Variants in KDM2B observed in about 807,000 individuals in gnomAD.
KDM2B encodes lysine demethylase 2B.
KDM2B carries 26 observed loss-of-function variants against 150.0 expected under a neutral mutation model. That is an observed-to-expected ratio of 0.17 (90% CI 0.13 to 0.24). The LOEUF (loss-of-function observed/expected upper bound fraction) is 0.24, where lower values mean the gene tolerates loss of function less well. KDM2B is among the 10% of genes least tolerant of loss of function. The pLI is 1.00. For synonymous variants in KDM2B, 734 were observed against 729.5 expected, an observed-to-expected ratio of 1.01 and a Z score of -0.10; for missense variants, 1,265 against 1,816.9, an observed-to-expected ratio of 0.70 and a Z score of 5.52.
In KDM2B at chr12:121,509,931, T is replaced by G. The variant is rs782315499; in HGVS notation, c.1283A>C (p.Glu428Ala). The change falls in exon 11 of 23, where the codon GAG becomes GCG. Residue 428 changes from glutamate to alanine, a missense_variant. Physicochemically the swap from Glu to Ala is moderately radical, Grantham distance 107. Transcript: ENST00000377071. ...QPQEEEEKDE[E>A]GEGRDRAPKP... ...GGGTGCCCTGTCCCTGCCCTCGCCCTCCTCGTCCTTCTCCTCCTCCTCCTG... is the reference window on the plus strand; with the variant it reads ...GGGTGCCCTGTCCCTGCCCTCGCCCGCCTCGTCCTTCTCCTCCTCCTCCTG... 7 of 1,612,704 alleles carry G rather than the reference T, an allele frequency of 4.3e-6. No homozygotes were observed. Among genetic ancestry groups the G allele is most frequent in the Non-Finnish European group, 5.9e-6 (7 of 1,179,616 alleles).
In KDM2B at chr12:121,442,850, C is replaced by T. The variant is rs375701014; in HGVS notation, c.2605-14G>A. On this transcript the variant is annotated splice_polypyrimidine_tract_variant and intron_variant, in intron 18 of 22. Transcript: ENST00000377071. The surrounding 1 kb of genome is among the most constrained non-coding windows in gnomAD (Gnocchi z 7.7). ...CCAGGACCGCCGCTGAGGGCGAGAG[C>T]GGAGACGCGTCAGCCTCTGGGGCTC... The T allele has an allele frequency of 9.0e-5, 136 of 1,516,342 alleles. 3 individuals are homozygous for T. The African/African-American group carries it at 1.2e-3, about 14-fold the overall frequency. The allele number at this position is 1,516,342 out of a possible 1,614,324, so 93.9% of individuals were successfully genotyped here.
intron 6 of KDM2B, among the ~76,000 whole-genome samples, chr12:121,547,923 G>C (rs1352176084): frequency 1.3e-5 from 2 of 152,026 alleles, no homozygotes; most frequent in Non-Finnish European, 2.9e-5. Context: ...TTACAGGTGT[G>C]AGCCACCCCG....
Position 121,509,755 on chromosome 12 carries a change from C to A in KDM2B, c.1459G>T (p.Ala487Ser). Reference protein sequence around the residue: ...SEESVKSTTLAVDYPKTPTGS... With the variant: ...SEESVKSTTLSVDYPKTPTGS... The stretch of plus-strand genomic sequence containing the variant: ...GTGGGGGTCTTGGGGTAGTCTACGG[C>A]CAATGTGGTGGACTTCACACTTTCC... The change falls in exon 11 of 23, where the codon GCC (alanine) becomes TCC (serine). Residue 487 changes from alanine to serine, a missense_variant. By Grantham distance (99) the Ala-to-Ser change is moderately conservative. Coordinates refer to ENST00000377071, the MANE Select transcript of KDM2B (RefSeq NM_032590.5). 6.2e-7 allele frequency: 1 copy of A among 1,614,142 alleles called. No homozygotes were observed. Among genetic ancestry groups the A allele is most frequent in the Non-Finnish European group, 8.5e-7 (1 of 1,180,036 alleles).
intron 4 of KDM2B, among the ~76,000 whole-genome samples, chr12:121,559,534 G>A (rs996822150): frequency 7.9e-5 from 12 of 152,126 alleles, no homozygotes; most frequent in African/African-American, 1.9e-4. Context: ...AGAGTGGCAC[G>A]GTGATAGCAA....
intron 12 of KDM2B, among the ~76,000 whole-genome samples, chr12:121,464,922 T>C (rs10849890): frequency 0.56 from 84,595 of 151,912 alleles, 23,827 homozygotes; most frequent in East Asian, 0.66. Context: ...CTTCTCAGGC[T>C]CAGGCTGAGA....
At chr12:121,581,065 A>G, upstream of KDM2B, 3 of 980,978 alleles carry the variant, frequency 3.1e-6, no homozygotes, top group Non-Finnish European at 2.9e-6. Context: ...TCCGCAGCTG[A>G]CCGGAAGACG....
chr12:121,439,380 CT>C (rs530764831), intron 22 of KDM2B, among the ~76,000 whole-genome samples: 42,738 of 129,490 alleles, frequency 0.33, 7,517 homozygotes, highest in Non-Finnish European at 0.43. Context: ...CCAATGGTAA[CT>C]TTTTTTTTTT....
chr12:121,422,697 G>C, the KDM2B span, among the ~76,000 whole-genome samples: 1 of 152,162 alleles, frequency 6.6e-6, no homozygotes, highest in African/African-American at 2.4e-5. Flanking sequence ...CAAATCCATA[G>C]CCCTATGGCC....
At chr12:121,527,653 CAAAAAAAAAAAAA>C (rs58304715) in intron 8 of KDM2B, among the ~76,000 whole-genome samples, 17 of 58,574 alleles carry the variant, frequency 2.9e-4, no homozygotes, top group African/African-American at 9.2e-4. Context: ...GACTCCGTCT[CAAAAAAAAAAAAA>C]AAAAAAAAAA....
chr12:121,412,228 ATCTT>A, the KDM2B span, among the ~76,000 whole-genome samples: 30 of 124,974 alleles, frequency 2.4e-4, 1 homozygote, highest in African/African-American at 9.4e-4. Flanking sequence ...TGCCCAACTA[ATCTT>A]TTTTTTTTTT....
chr12:121,427,603 CTGGAT>C (rs1231684733), downstream of KDM2B, among the ~76,000 whole-genome samples: 1 of 152,192 alleles, frequency 6.6e-6, no homozygotes, highest in African/African-American at 2.4e-5. Flanking sequence ...TACAATCTTA[CTGGAT>C]TGTTCAGTAC....
intron 4 of KDM2B, among the ~76,000 whole-genome samples, chr12:121,564,229 G>A (rs186656110): frequency 1.1e-4 from 17 of 152,238 alleles, no homozygotes; most frequent in African/African-American, 2.6e-4. Flanking sequence ...AAGCTGAAGC[G>A]GGTGGATCAC....
chr12:121,554,407 C>CT (rs113252090), intron 4 of KDM2B, among the ~76,000 whole-genome samples: 142 of 145,474 alleles, frequency 9.8e-4, no homozygotes, highest in South Asian at 2.8e-3. Context: ...TTGTAACATA[C>CT]TTTTTTTTTT....
At chr12:121,509,122 G>A (rs782493924) in intron 11 of KDM2B, among the ~76,000 whole-genome samples, 19 of 152,050 alleles carry the variant, frequency 1.2e-4, no homozygotes, top group Non-Finnish European at 2.1e-4. Context: ...GCAGTGGTGC[G>A]ATCTCAGCTC....
At chr12:121,462,113 G>A (rs1266966587) in intron 12 of KDM2B, among the ~76,000 whole-genome samples, 1 of 152,260 alleles carries the variant, frequency 6.6e-6, no homozygotes, top group African/African-American at 2.4e-5. Flanking sequence ...CACAAGGGAA[G>A]GCCACAGGCC....
chr12:121,549,118 A>C lies in KDM2B; in HGVS notation c.577-135T>G. The C allele has an allele frequency of 1.5e-6, 1 of 686,666 alleles. No individual in the cohort carries two copies. Among genetic ancestry groups the C allele is most frequent in the Non-Finnish European group, 2.5e-6 (1 of 400,154 alleles). The allele number at this position is 686,666 out of a possible 1,614,324, so 42.5% of individuals were successfully genotyped here. A position where few individuals can be genotyped will look rare whatever the true frequency, so the allele number is the denominator to read the frequency against. ...GGCTCAATAGTCCCAACATGGGAGG[A>C]AGGAAGGGCAGGGATGACAGGACCC... On this transcript the variant is annotated intron_variant, in intron 5 of 22. Transcript: ENST00000377071. This position sits in a 1 kb window ranked among gnomAD's most constrained non-coding sequence, Gnocchi z 4.4.
Position 121,444,430 on chromosome 12 carries a change from A to G in KDM2B, c.2190+20T>C, listed in dbSNP as rs782282357. 4.3e-6 allele frequency: 7 copies of G among 1,613,596 alleles called. No individual in the cohort carries two copies. Among genetic ancestry groups the G allele is most frequent in the Non-Finnish European group, 2.5e-6 (3 of 1,179,768 alleles). ...CGCCCCTCTCCCGACTGACCCTGGG[A>G]CTTGGAGCCCGGCACTCACTTTCCC... On this transcript the variant is annotated intron_variant, in intron 15 of 22. Transcript: ENST00000377071.
At chr12:121,443,976 C>CA in intron 16 of KDM2B, 36 bp downstream of exon 16, 2 of 1,576,688 alleles carry the variant, frequency 1.3e-6, no homozygotes, top group Non-Finnish European at 8.6e-7. Flanking sequence ...CCAGCCAGAC[C>CA]AACCCCTTTG....
At chr12:121,433,216 A>G (rs1593705298) in intron 22 of KDM2B, 2 of 456,710 alleles carry the variant, frequency 4.4e-6, no homozygotes, top group East Asian at 6.9e-5. Context: ...AGCTAGAAGG[A>G]AAAGACTTTC....
Sources: gnomAD v4.1 joint callset for allele counts (sites outside exome capture counted in the v4.1 genomes callset) on GRCh38, gnomAD v4.1.1 for gene constraint, Gnocchi (gnomAD v3.1) non-coding constraint, MANE v1.5 for transcripts, NCBI Gene and HGNC (gene_info 2026-07-23, HGNC 2026-07-21) for gene names.